The following RBBP8 variants were observed in gnomAD, a reference collection of about 807,000 sequenced individuals.
RBBP8 encodes DNA endonuclease RBBP8.
RBBP8 carries 88 observed loss-of-function variants against 108.3 expected under a neutral mutation model. The ratio of observed to expected loss-of-function variants is 0.81; its 90% CI spans 0.68 to 0.97. The LOEUF is 0.97. RBBP8 is among the 50% of genes least tolerant of loss of function. The pLI is 0.00. For missense variants in RBBP8, 1,023 were observed against 1,049.0 expected (o/e 0.98, Z 0.34); for synonymous variants, 332 against 348.2 (o/e 0.95, Z 0.52).
intron 4 of RBBP8, among the ~76,000 whole-genome samples, chr18:22,968,320 C>T (rs916356625): frequency 7.9e-5 from 12 of 151,964 alleles, no homozygotes; most frequent in African/African-American, 2.4e-4. Flanking sequence ...ATCCTGTCGC[C>T]GCAGCCTCCC....
chr18:22,920,602 T>A (rs1909554423), intron 3 of RBBP8, among the ~76,000 whole-genome samples: 1 of 152,176 alleles, frequency 6.6e-6, no homozygotes, highest in Non-Finnish European at 1.5e-5. Flanking sequence ...CCTTCCAACA[T>A]GAAAATATTT....
intron 7 of RBBP8, among the ~76,000 whole-genome samples, chr18:22,983,321 C>T (rs1442641459): frequency 3.9e-5 from 6 of 152,134 alleles, no homozygotes; most frequent in Admixed American, 6.5e-5. Context: ...GTAAATATGC[C>T]TTTAAACAAA....
rs923747123 is a variant in RBBP8, at chr18:23,026,364, A to G, written c.*124A>G. ...AAATGGATTTATAAATCAGTTTTCTATTGAAAATGTTTGTGATATTTTGCT... is the reference window on the plus strand; with the variant it reads ...AAATGGATTTATAAATCAGTTTTCTGTTGAAAATGTTTGTGATATTTTGCT... On this transcript the variant is annotated 3_prime_UTR_variant, in exon 19 of 19. Coordinates refer to ENST00000327155, the MANE Select transcript of RBBP8 (RefSeq NM_002894.3). The G allele has an allele frequency of 1.2e-5, 11 of 900,600 alleles. No homozygotes were observed. Among genetic ancestry groups the G allele is most frequent in the South Asian group, 7.6e-5 (5 of 65,988 alleles). 55.8% of individuals were successfully genotyped at this position (900,600 alleles called of 1,614,324 possible).
intron 1 of RBBP8, among the ~76,000 whole-genome samples, chr18:22,934,510 A>AT (rs1334315141): frequency 1.3e-5 from 2 of 151,226 alleles, no homozygotes; most frequent in Non-Finnish European, 2.9e-5. Flanking sequence ...GCAGAGAGGT[A>AT]TTTTTTCTTT....
chr18:22,993,583 A>AT lies in RBBP8; in HGVS notation c.1758dup (p.Pro587SerfsTer6). The AT allele has an allele frequency of 6.2e-7, 1 of 1,613,908 alleles. No individual in the cohort carries two copies. Among genetic ancestry groups the AT allele is most frequent in the Non-Finnish European group, 8.5e-7 (1 of 1,179,984 alleles). On this transcript the variant is annotated frameshift_variant, in exon 11 of 19. Transcript: ENST00000327155. LOFTEE classifies it high-confidence loss of function. ...AAAAGAAGAAAATGCTGTCTTTAAA[A>AT]TTCCTCTACGTCCACGTGAAAGTTT...
chr18:22,972,213 C>T (rs960211810), intron 5 of RBBP8, among the ~76,000 whole-genome samples: 3 of 150,386 alleles, frequency 2.0e-5, no homozygotes, highest in African/African-American at 7.3e-5. Context: ...AAAAATTAGC[C>T]GGGCATGGTG....
upstream of RBBP8, among the ~76,000 whole-genome samples, chr18:22,931,014 T>G (rs1264168626): frequency 1.3e-5 from 2 of 152,214 alleles, no homozygotes; most frequent in African/African-American, 4.8e-5. Context: ...TGGCCTCAAG[T>G]GATCCTCTTG....
At chr18:23,007,622 C>G (rs531114775) in intron 16 of RBBP8, among the ~76,000 whole-genome samples, 2 of 143,648 alleles carry the variant, frequency 1.4e-5, no homozygotes, top group South Asian at 5.0e-4. Context: ...GGCGTGAACT[C>G]GGGAGGTGGA....
At chr18:22,950,350 TA>T (rs1325164874) in intron 4 of RBBP8, among the ~76,000 whole-genome samples, 1 of 152,092 alleles carries the variant, frequency 6.6e-6, no homozygotes, top group Non-Finnish European at 1.5e-5. Flanking sequence ...TTTGGGAGGC[TA>T]AGGTGGGAGG....
chr18:23,004,310 C>T (rs756647356), intron 15 of RBBP8, among the ~76,000 whole-genome samples: 3 of 151,932 alleles, frequency 2.0e-5, no homozygotes, highest in Non-Finnish European at 2.9e-5. Context: ...TATACATAGA[C>T]ACACAAAAAT....
rs552715486 is a variant in RBBP8, at chr18:22,975,441, A to C, written c.428+222A>C. On this transcript the variant is annotated intron_variant, in intron 6 of 18. Transcript: ENST00000327155. ...GTCAACATTGTAATTAAAACATTTTAATTTTTATAATGATTTATTATAAAT... is the reference window on the plus strand; with the variant it reads ...GTCAACATTGTAATTAAAACATTTTCATTTTTATAATGATTTATTATAAAT... Among the ~76,000 whole-genome samples, 5 of 152,184 alleles carry C rather than the reference A, an allele frequency of 3.3e-5. No individual in the cohort carries two copies. In the East Asian group the frequency reaches 9.6e-4, roughly 29 times the overall value.
At position 23,012,207 on chromosome 18, in the gene RBBP8, C is replaced by CAAAAAAAAAAAAAAA. The variant is rs368600707; in HGVS notation, c.2358-4621_2358-4620insAAAAAAAAAAAAAAA. 1.2e-4 allele frequency among the ~76,000 whole-genome samples: 10 copies of CAAAAAAAAAAAAAAA among 81,144 alleles called. 4 individuals carry two copies. Among genetic ancestry groups the CAAAAAAAAAAAAAAA allele is most frequent in the Non-Finnish European group, 1.1e-4 (5 of 43,768 alleles). The allele number at this position is 81,144 out of a possible 152,430, so 53.2% of individuals were successfully genotyped here. ...TGGGAGACAAAGTGAGATGCTGTCT[C>CAAAAAAAAAAAAAAA]CAAAAAAAAAAAAAAAAAAAAAAAC... On this transcript the variant is annotated intron_variant, in intron 16 of 18. Coordinates refer to ENST00000327155, the MANE Select transcript of RBBP8 (RefSeq NM_002894.3).
intron 17 of RBBP8, among the ~76,000 whole-genome samples, chr18:23,019,540 C>T (rs2046313643): frequency 6.6e-6 from 1 of 152,184 alleles, no homozygotes; most frequent in Non-Finnish European, 1.5e-5. Flanking sequence ...AAATTTCACA[C>T]ATCCAAAAAC....
chr18:22,963,888 C>A (rs1913334220), intron 4 of RBBP8, among the ~76,000 whole-genome samples: 1 of 151,892 alleles, frequency 6.6e-6, no homozygotes, highest in Middle Eastern at 3.4e-3. Context: ...CATTTTGAGA[C>A]CTTGTCTCAA....
chr18:22,978,506 G>GTT (rs138966074), intron 6 of RBBP8, among the ~76,000 whole-genome samples: 14 of 146,850 alleles, frequency 9.5e-5, no homozygotes, highest in African/African-American at 1.5e-4. Context: ...AGCTAGTTTT[G>GTT]TTTGTTTTTT....
At chr18:22,951,499 A>C (rs969699451) in intron 4 of RBBP8, among the ~76,000 whole-genome samples, 1 of 152,210 alleles carries the variant, frequency 6.6e-6, no homozygotes, top group Non-Finnish European at 1.5e-5. Flanking sequence ...TTCCCACTGT[A>C]CTCGTACAAC....
chr18:22,941,433 A>G (rs959898259), intron 2 of RBBP8, among the ~76,000 whole-genome samples: 9 of 152,170 alleles, frequency 5.9e-5, no homozygotes, highest in Admixed American at 2.0e-4. Flanking sequence ...CGGCCTCCCA[A>G]AGTGCTAGGA....
intron 5 of RBBP8, among the ~76,000 whole-genome samples, chr18:22,972,472 G>C (rs182460830): frequency 9.9e-4 from 144 of 145,920 alleles, no homozygotes; most frequent in Non-Finnish European, 1.7e-3. Flanking sequence ...GGAGTGCAGT[G>C]ATGCTATCTC....
At chr18:22,982,988 T>C (rs931549159) in intron 7 of RBBP8, among the ~76,000 whole-genome samples, 1 of 152,234 alleles carries the variant, frequency 6.6e-6, no homozygotes, top group Non-Finnish European at 1.5e-5. Flanking sequence ...TGTCTGTAAC[T>C]GGCTATTTTT....
Sources: gnomAD v4.1 joint callset for allele counts (sites outside exome capture counted in the v4.1 genomes callset) on GRCh38, gnomAD v4.1.1 for gene constraint, MANE v1.5 for transcripts, NCBI Gene and HGNC (gene_info 2026-07-23, HGNC 2026-07-21) for gene names.